The following LMTK3 variants were observed in gnomAD, a reference collection of about 807,000 sequenced individuals.
The protein encoded by LMTK3 is lemur tail kinase 3, also known as serine/threonine-protein kinase LMTK3.
Under a neutral mutation model 116.7 loss-of-function variants are expected in LMTK3, and 27 were observed. The ratio of observed to expected loss-of-function variants is 0.23; its 90% CI spans 0.17 to 0.32. The LOEUF (loss-of-function observed/expected upper bound fraction) is 0.32, where lower values mean the gene tolerates loss of function less well. Among genes scored for constraint, LMTK3 ranks in the 10% least tolerant of loss-of-function variants. The pLI is 1.00. For missense variants in LMTK3, 1,764 were observed against 2,068.5 expected, an observed-to-expected ratio of 0.85 and a Z score of 2.86; for synonymous variants, 965 against 971.0, an observed-to-expected ratio of 0.99 and a Z score of 0.11.
In LMTK3 at chr19:48,494,451, C is replaced by T. The variant is rs1263615313; in HGVS notation, c.3677-342G>A. Among the ~76,000 whole-genome samples, 1 of 152,234 alleles carries T rather than the reference C, an allele frequency of 6.6e-6. No homozygotes were observed. Among genetic ancestry groups the T allele is most frequent in the Non-Finnish European group, 1.5e-5 (1 of 68,048 alleles). On this transcript the variant is annotated intron_variant, in intron 11 of 14. Transcript: ENST00000600059. This position sits in a 1 kb window ranked among gnomAD's most constrained non-coding sequence, Gnocchi z 4.0. Reference sequence around the variant, plus strand: ...ATGGGCCACCCCACCATTCCTCCCACCGAATAGCTGGGACTACAGGCGCAC... The same window carrying T: ...ATGGGCCACCCCACCATTCCTCCCATCGAATAGCTGGGACTACAGGCGCAC...
At chr19:48,509,995 G>A in intron 3 of LMTK3, 28 bp downstream of exon 3, 1 of 1,610,440 alleles carries the variant, frequency 6.2e-7, no homozygotes, top group Non-Finnish European at 8.5e-7. Context: ...GGACACCATG[G>A]GATGCTGGTC....
Position 48,485,571 on chromosome 19 carries a change from G to C in LMTK3, c.*202C>G. 1 of 584,754 alleles carries C rather than the reference G, an allele frequency of 1.7e-6. No homozygotes were observed. The highest frequency in any genetic ancestry group is 3.0e-6 in the Non-Finnish European group (1 of 331,336). The allele number at this position is 584,754 out of a possible 1,614,324, so 36.2% of individuals were successfully genotyped here. A position where few individuals can be genotyped will look rare whatever the true frequency, so the allele number is the denominator to read the frequency against. On this transcript the variant is annotated 3_prime_UTR_variant, in exon 15 of 15. Transcript: ENST00000600059. ...GGCTCCGAGGGGGTCAGGGGGGTCA[G>C]GGGAGCCATCTGGGGGGCTGGGGGG...
intron 5 of LMTK3, among the ~76,000 whole-genome samples, chr19:48,507,636 G>A (rs1972592791): frequency 6.6e-6 from 1 of 152,100 alleles, no homozygotes; most frequent in Admixed American, 6.5e-5. Flanking sequence ...ATAGAGACAG[G>A]GTCTCGCTCT....
In LMTK3 at chr19:48,498,227, C is replaced by A. The variant is rs1255356893; in HGVS notation, c.2842G>T (p.Ala948Ser). Residue 948 changes from alanine to serine, a missense_variant, in exon 11 of 15, where the codon GCC (alanine) becomes TCC (serine). By Grantham distance (99) the Ala-to-Ser change is moderately conservative. Transcript: ENST00000600059. ...GIEEKAAENGALGSPEREEKV... is the reference protein window; with the variant it reads ...GIEEKAAENGSLGSPEREEKV... ...TCTTCTCTCTCGGGGGACCCCAGGG[C>A]CCCATTCTCCGCCGCCTTCTCCTCG... is the stretch of plus-strand genomic sequence containing the variant. 2 of 1,613,628 alleles carry A rather than the reference C, an allele frequency of 1.2e-6. No individual in the cohort carries two copies. Among genetic ancestry groups the A allele is most frequent in the Admixed American group, 1.7e-5 (1 of 60,004 alleles).
At position 48,497,199 on chromosome 19, in the gene LMTK3, T is replaced by TTTACCCAA. The variant is rs1202256686; in HGVS notation, c.3676+193_3676+194insTTGGGTAA. Among the ~76,000 whole-genome samples, 5 of 152,198 alleles carry TTTACCCAA rather than the reference T, an allele frequency of 3.3e-5. No individual in the cohort carries two copies. Among genetic ancestry groups the TTTACCCAA allele is most frequent in the Admixed American group, 6.5e-5 (1 of 15,278 alleles). The stretch of plus-strand genomic sequence containing the variant: ...GGCAGATGGGTAAACTGAGGCACCG[T>TTTACCCAA]GCAGCAAGGACATTTGCCCAAGGCC... On this transcript the variant is annotated intron_variant, in intron 11 of 14. Coordinates refer to ENST00000600059, the MANE Select transcript of LMTK3 (RefSeq NM_001388485.1). The surrounding 1 kb of genome is among the most constrained non-coding windows in gnomAD (Gnocchi z 5.7).
At chr19:48,489,511 T>C (rs940822685) in intron 14 of LMTK3, among the ~76,000 whole-genome samples, 2 of 150,518 alleles carry the variant, frequency 1.3e-5, no homozygotes, top group East Asian at 3.9e-4. Flanking sequence ...AGGTGGAGGT[T>C]GCAATGAGCC....
At chr19:48,489,081 G>C (rs1189625188) in intron 14 of LMTK3, among the ~76,000 whole-genome samples, 2 of 152,144 alleles carry the variant, frequency 1.3e-5, no homozygotes, top group East Asian at 3.9e-4. Context: ...CTTTCCTCTT[G>C]TCATCTGCTT....
At position 48,491,921 on chromosome 19, in the gene LMTK3, G is replaced by A. The variant is rs1310869996; in HGVS notation, c.4093-382C>T. On this transcript the variant is annotated intron_variant, in intron 12 of 14. Transcript: ENST00000600059. This position sits in a 1 kb window ranked among gnomAD's most constrained non-coding sequence, Gnocchi z 5.1. ...ACCTCTGAGATCTTGACCTGCTCCA[G>A]TGGCCCTCCCAACCCCTGCCCCATC... Among the ~76,000 whole-genome samples the A allele has an allele frequency of 6.6e-6, 1 of 151,388 alleles. No homozygotes were observed. The highest frequency in any genetic ancestry group is 2.4e-5 in the African/African-American group (1 of 41,122).
At position 48,491,682 on chromosome 19, in the gene LMTK3, G is replaced by C; in HGVS notation, c.4093-143C>G. 1 of 760,050 alleles carries C rather than the reference G, an allele frequency of 1.3e-6. No individual in the cohort carries two copies. The highest frequency in any genetic ancestry group is 1.8e-6 in the Non-Finnish European group (1 of 551,550). 47.1% of individuals were successfully genotyped at this position (760,050 alleles called of 1,614,324 possible). On this transcript the variant is annotated intron_variant, in intron 12 of 14. Coordinates refer to ENST00000600059, the MANE Select transcript of LMTK3 (RefSeq NM_001388485.1). This position sits in a 1 kb window ranked among gnomAD's most constrained non-coding sequence, Gnocchi z 5.1. ...TAATCACTGACTCGCACGCTCTGGA[G>C]AGGTGGCTGGAGCCCCTAATCTGGC...
chr19:48,498,821 G>C lies in LMTK3; in HGVS notation c.2248C>G (p.Pro750Ala). The C allele has an allele frequency of 8.0e-7, 1 of 1,247,468 alleles. No homozygotes were observed. Among genetic ancestry groups the C allele is most frequent in the Non-Finnish European group, 1.0e-6 (1 of 968,492 alleles). 77.3% of individuals were successfully genotyped at this position (1,247,468 alleles called of 1,614,324 possible). A position where few individuals can be genotyped will look rare whatever the true frequency, so the allele number is the denominator to read the frequency against. The change falls in exon 11 of 15, where the codon CCT becomes GCT. Residue 750 changes from proline (P) to alanine (A), a missense_variant. Pro to Ala is a conservative substitution (Grantham distance 27). This residue lies in a region of LMTK3 where 1,028 missense variants were observed against 1,050.6 expected (regional missense o/e 0.98). Transcript: ENST00000600059. The part of the protein sequence containing the change: ...AAPQYPGRGP[P>A]PAPPPPPPPP... ...GGCGGCGGGGGGGGGGGAGCGGGAGGTGGCCCCCGCCCGGGGTACTGGGGC... is the reference window on the plus strand; with the variant it reads ...GGCGGCGGGGGGGGGGGAGCGGGAGCTGGCCCCCGCCCGGGGTACTGGGGC...
At position 48,491,710 on chromosome 19, in the gene LMTK3, C is replaced by T. The variant is rs1972230482; in HGVS notation, c.4093-171G>A. Among the ~76,000 whole-genome samples, 1 of 152,252 alleles carries T rather than the reference C, an allele frequency of 6.6e-6. No homozygotes were observed. Among genetic ancestry groups the T allele is most frequent in the Non-Finnish European group, 1.5e-5 (1 of 68,046 alleles). On this transcript the variant is annotated intron_variant, in intron 12 of 14. Coordinates refer to ENST00000600059, the MANE Select transcript of LMTK3 (RefSeq NM_001388485.1). This position sits in a 1 kb window ranked among gnomAD's most constrained non-coding sequence, Gnocchi z 5.1. ...GTGGCTGGAGCCCCTAATCTGGCTTCGAAGCCTTGGGCCAGCCTTAACCTC... is the reference window on the plus strand; with the variant it reads ...GTGGCTGGAGCCCCTAATCTGGCTTTGAAGCCTTGGGCCAGCCTTAACCTC...
intron 11 of LMTK3, among the ~76,000 whole-genome samples, chr19:48,496,774 C>T (rs1335631464): frequency 6.6e-6 from 1 of 152,256 alleles, no homozygotes; most frequent in Non-Finnish European, 1.5e-5. Context: ...AATCAGCACA[C>T]GCTGGCAGCC....
chr19:48,489,380 C>T (rs3852862), intron 14 of LMTK3, among the ~76,000 whole-genome samples: 4,042 of 152,266 alleles, frequency 0.027, 73 homozygotes, highest in South Asian at 0.082. Context: ...CAAGACCAGC[C>T]TGTCCAACAT....
chr19:48,499,418 G>A lies in LMTK3; in HGVS notation c.1651C>T (p.Pro551Ser). Residue 551 changes from proline (P) to serine (S), a missense_variant, in exon 11 of 15, where the codon CCC becomes TCC. This residue lies in a region of LMTK3 where 1,028 missense variants were observed against 1,050.6 expected (regional missense o/e 0.98). Transcript: ENST00000600059. The stretch of plus-strand genomic sequence containing the variant: ...GGGTCCCAGTCGTTGGGGAAGAGGG[G>A]CTCAGGAGGGGAGCCGTGCTCCTCC... ...RLEEHGSPPE[P>S]LFPNDWDPLD... is the part of the protein sequence containing the mutation. The A allele has an allele frequency of 6.9e-7, 1 of 1,457,924 alleles. No individual in the cohort carries two copies. The highest frequency in any genetic ancestry group is 9.1e-7 in the Non-Finnish European group (1 of 1,104,458). The allele number at this position is 1,457,924 out of a possible 1,614,324, so 90.3% of individuals were successfully genotyped here.
chr19:48,485,524 C>T lies in LMTK3; in HGVS notation c.*249G>A, dbSNP rs1376442483. 2.6e-5 allele frequency: 13 copies of T among 493,394 alleles called. No individual in the cohort carries two copies. The highest frequency in any genetic ancestry group is 1.7e-4 in the Admixed American group (4 of 23,848). 30.6% of individuals were successfully genotyped at this position (493,394 alleles called of 1,614,324 possible). On this transcript the variant is annotated 3_prime_UTR_variant, in exon 15 of 15. Transcript: ENST00000600059. Reference sequence around the variant, plus strand: ...AGAAAGGCGGCTCTCTATGGAGGGGCGGGGGGATTCCTGCCTCATTTGGCT... The same window carrying T: ...AGAAAGGCGGCTCTCTATGGAGGGGTGGGGGGATTCCTGCCTCATTTGGCT...
intron 7 of LMTK3, 116 bp from the exon 8 acceptor site, chr19:48,501,678 G>T: frequency 2.0e-6 from 2 of 1,011,260 alleles, no homozygotes; most frequent in Non-Finnish European, 3.0e-6. Context: ...CACTGACTCT[G>T]CCCCTTCCCT....
In LMTK3 at chr19:48,501,157, A is replaced by C. The variant is rs1972458518; in HGVS notation, c.1002-12T>G. ...TCACCCCCAGGGACCTGCAGAGAGC[A>C]GAGAGAGGTCAGAGCCCAGCCCTGA... On this transcript the variant is annotated splice_polypyrimidine_tract_variant and intron_variant, in intron 9 of 14. Coordinates refer to ENST00000600059, the MANE Select transcript of LMTK3 (RefSeq NM_001388485.1). 1 of 1,611,228 alleles carries C rather than the reference A, an allele frequency of 6.2e-7. No homozygotes were observed. The highest frequency in any genetic ancestry group is 8.5e-7 in the Non-Finnish European group (1 of 1,178,634).
At position 48,491,437 on chromosome 19, in the gene LMTK3, C is replaced by T. The variant is rs1328579337; in HGVS notation, c.4195G>A (p.Gly1399Arg). ...CTGTCGTTGCTGGGAAACCCATCTC[C>T]GGGGGTGGCGGGGTGGGGAGGTGTC... is the stretch of plus-strand genomic sequence containing the variant. The part of the protein sequence containing the change: ...PPTPPHPATP[G>R]DGFPSNDSGF... The change falls in exon 13 of 15, where the codon GGA (glycine) becomes AGA (arginine). Residue 1399 changes from glycine (G) to arginine (R), a missense_variant. By Grantham distance (125) the Gly-to-Arg change is moderately radical (BLOSUM62 -2). Coordinates refer to ENST00000600059, the MANE Select transcript of LMTK3 (RefSeq NM_001388485.1). This position sits in a 1 kb window ranked among gnomAD's most constrained non-coding sequence, Gnocchi z 5.1. 7 of 1,416,676 alleles carry T rather than the reference C, an allele frequency of 4.9e-6. No homozygotes were observed. In the South Asian group the frequency reaches 7.6e-5, roughly 15 times the overall value. The allele number at this position is 1,416,676 out of a possible 1,614,324, so 87.8% of individuals were successfully genotyped here. A position where few individuals can be genotyped will look rare whatever the true frequency, so the allele number is the denominator to read the frequency against.
At chr19:48,496,611 G>A (rs931250729) in intron 11 of LMTK3, among the ~76,000 whole-genome samples, 2 of 151,772 alleles carry the variant, frequency 1.3e-5, no homozygotes, top group Admixed American at 1.3e-4. Flanking sequence ...CCCATGCCTG[G>A]CTAACTTTTG....
Sources: gnomAD v4.1 joint callset for allele counts (sites outside exome capture counted in the v4.1 genomes callset) on GRCh38, gnomAD v4.1.1 for gene constraint, gnomAD v4.1.1 regional missense constraint, Gnocchi (gnomAD v3.1) non-coding constraint, MANE v1.5 for transcripts, NCBI Gene and HGNC (gene_info 2026-07-23, HGNC 2026-07-21) for gene names.